FHOD3: variants seen among roughly 807,000 people sequenced by gnomAD.
The protein encoded by FHOD3 is FH1/FH2 domain-containing protein 3.
A neutral mutation model predicts 173.0 loss-of-function variants in FHOD3; 90 were observed. That is an observed-to-expected ratio of 0.52 (90% CI 0.44 to 0.62). The LOEUF is 0.62. Ranked by LOEUF, FHOD3 falls within the 20% of genes least tolerant of loss-of-function variation. FHOD3 has a pLI of 0.00. For synonymous variants in FHOD3, 828 were observed against 823.0 expected, an observed-to-expected ratio of 1.01 and a Z score of -0.10; for missense variants, 1,945 against 2,034.7, an observed-to-expected ratio of 0.96 and a Z score of 0.85.
chr18:36,774,737 C>T (rs538307685), intron 28 of FHOD3, among the ~76,000 whole-genome samples: 1 of 152,262 alleles, frequency 6.6e-6, no homozygotes, highest in African/African-American at 2.4e-5. Flanking sequence ...GAAATTCAAA[C>T]TGGTACAGTA....
chr18:36,423,753 G>GT (rs981330347), intron 3 of FHOD3, among the ~76,000 whole-genome samples: 3 of 152,110 alleles, frequency 2.0e-5, no homozygotes, highest in African/African-American at 7.2e-5. Flanking sequence ...TGATACGTGG[G>GT]TTTTTTACTA....
intron 1 of FHOD3, among the ~76,000 whole-genome samples, chr18:36,304,580 A>G (rs2092042129): frequency 6.6e-6 from 1 of 152,030 alleles, no homozygotes; most frequent in Non-Finnish European, 1.5e-5. Context: ...ACCTCCAATG[A>G]TACTTTTCTT....
intron 5 of FHOD3, among the ~76,000 whole-genome samples, chr18:36,515,567 G>A: frequency 6.6e-6 from 1 of 152,174 alleles, no homozygotes; most frequent in East Asian, 1.9e-4. Context: ...GGTGCCAGAG[G>A]CAATTCCCGA....
chr18:36,612,275 T>C (rs916516764), intron 9 of FHOD3, among the ~76,000 whole-genome samples, 180 bp downstream of exon 9: 1 of 152,210 alleles, frequency 6.6e-6, no homozygotes, highest in Non-Finnish European at 1.5e-5. Context: ...CAGCAGACCA[T>C]GTTATGACAA....
chr18:36,356,627 T>TC (rs1317008144), intron 2 of FHOD3, among the ~76,000 whole-genome samples: 330 of 151,378 alleles, frequency 2.2e-3, no homozygotes, highest in African/African-American at 7.6e-3. Context: ...GCCCAGCTAA[T>TC]TTTATATATA....
chr18:36,675,804 T>C (rs687282), intron 14 of FHOD3, among the ~76,000 whole-genome samples: 76,036 of 151,984 alleles, frequency 0.5, 19,138 homozygotes, highest in East Asian at 0.56. Flanking sequence ...AGGGTAGAGA[T>C]GAATGAGAAA....
intron 10 of FHOD3, among the ~76,000 whole-genome samples, chr18:36,648,365 T>A (rs1468119162): frequency 5.3e-5 from 8 of 152,184 alleles, no homozygotes. Context: ...GTGTTCCATG[T>A]GGACCATGAC....
chr18:36,340,594 T>TTTC (rs61684915), intron 1 of FHOD3, among the ~76,000 whole-genome samples: 1 of 151,284 alleles, frequency 6.6e-6, no homozygotes, highest in Non-Finnish European at 1.5e-5. Context: ...TTTTTTTTTT[T>TTTC]CCCTCTGGTT....
At chr18:36,774,753 A>G (rs191195901) in intron 28 of FHOD3, among the ~76,000 whole-genome samples, 2 of 152,306 alleles carry the variant, frequency 1.3e-5, no homozygotes, top group Admixed American at 1.3e-4. Context: ...CAGTACTATT[A>G]ACCGAACTGT....
chr18:36,692,592 C>A lies in FHOD3; in HGVS notation c.2022-617C>A, dbSNP rs558457210. ...TTTTAAACTGACTTTGATGAATAAA[C>A]TCTATGTGACGTCAGGTTCAAGCTA... is the stretch of plus-strand genomic sequence containing the variant. On this transcript the variant is annotated intron_variant, in intron 16 of 28. Transcript: ENST00000590592. Among the ~76,000 whole-genome samples, 3 of 151,258 alleles carry A rather than the reference C, an allele frequency of 2.0e-5. No individual in the cohort carries two copies. The East Asian group carries it at 6.0e-4, about 30-fold the overall frequency.
At chr18:36,434,259 A>T (rs1159612697) in intron 3 of FHOD3, among the ~76,000 whole-genome samples, 1 of 152,170 alleles carries the variant, frequency 6.6e-6, no homozygotes, top group Non-Finnish European at 1.5e-5. Flanking sequence ...ATTTTTATGG[A>T]TGAGGTAAGA....
intron 3 of FHOD3, among the ~76,000 whole-genome samples, chr18:36,462,517 G>C (rs1340058043): frequency 6.6e-6 from 1 of 152,056 alleles, no homozygotes; most frequent in Non-Finnish European, 1.5e-5. Flanking sequence ...GTTTTTAGTA[G>C]AGATGGGGTT....
intron 5 of FHOD3, among the ~76,000 whole-genome samples, chr18:36,520,477 G>T (rs1357497475): frequency 3.9e-5 from 6 of 152,170 alleles, no homozygotes; most frequent in African/African-American, 1.4e-4. Flanking sequence ...GGGCAAAATT[G>T]TATGGTTTAA....
rs892570138 is a variant in FHOD3, at chr18:36,342,715, C to A, written c.166-12824C>A. ...TTAAAAACTTCTGTGCCTCAAAGGG[C>A]ATCATCAGAAAGTCAAAAACAATCC... is the stretch of plus-strand genomic sequence containing the variant. On this transcript the variant is annotated intron_variant, in intron 1 of 28. Coordinates refer to ENST00000590592, the MANE Select transcript of FHOD3 (RefSeq NM_001281740.3). 2.0e-5 allele frequency among the ~76,000 whole-genome samples: 3 copies of A among 152,264 alleles called. No individual in the cohort carries two copies. In the South Asian group the frequency reaches 6.2e-4, roughly 32 times the overall value.
At chr18:36,615,575 T>C (rs1434390708) in intron 9 of FHOD3, among the ~76,000 whole-genome samples, 1 of 152,238 alleles carries the variant, frequency 6.6e-6, no homozygotes, top group Non-Finnish European at 1.5e-5. Flanking sequence ...ACATTTTCCC[T>C]TGTCATTACA....
At chr18:36,661,996 A>G (rs1172830587) in intron 14 of FHOD3, among the ~76,000 whole-genome samples, 2 of 152,224 alleles carry the variant, frequency 1.3e-5, no homozygotes, top group African/African-American at 2.4e-5. Context: ...CTTTTTGAAA[A>G]TGTACTTTTT....
At chr18:36,409,503 C>T (rs2049241775) in intron 3 of FHOD3, among the ~76,000 whole-genome samples, 1 of 152,106 alleles carries the variant, frequency 6.6e-6, no homozygotes, top group Non-Finnish European at 1.5e-5. Context: ...TTTGTGTTCC[C>T]AGGAACCTTC....
At chr18:36,534,747 T>C (rs1408513038) in intron 5 of FHOD3, among the ~76,000 whole-genome samples, 2 of 152,214 alleles carry the variant, frequency 1.3e-5, no homozygotes, top group African/African-American at 2.4e-5. Flanking sequence ...TTAGCTTGCC[T>C]TTCCCCTGTT....
chr18:36,653,318 A>G (rs2036192766), intron 12 of FHOD3, 24 bp from the exon 13 acceptor site: 2 of 1,515,954 alleles, frequency 1.3e-6, no homozygotes, highest in Non-Finnish European at 1.8e-6. Context: ...CCACATTGTG[A>G]GCGGGCTTTT....
Sources: gnomAD v4.1 joint callset for allele counts (sites outside exome capture counted in the v4.1 genomes callset) on GRCh38, gnomAD v4.1.1 for gene constraint, MANE v1.5 for transcripts, NCBI Gene and HGNC (gene_info 2026-07-23, HGNC 2026-07-21) for gene names.